The following MND1 variants were observed in gnomAD, a reference collection of about 807,000 sequenced individuals.
MND1 encodes meiotic nuclear division protein 1 homolog.
A neutral mutation model predicts 35.1 loss-of-function variants in MND1; 28 were observed. That is an observed-to-expected ratio of 0.80 (90% CI 0.59 to 1.09). The LOEUF (loss-of-function observed/expected upper bound fraction) is 1.09, where lower values mean the gene tolerates loss of function less well. MND1 is among the 50% of genes least tolerant of loss of function. The pLI is 0.00. For synonymous variants in MND1, 69 were observed against 70.5 expected, an observed-to-expected ratio of 0.98 and a Z score of 0.11; for missense variants, 213 against 239.6, an observed-to-expected ratio of 0.89 and a Z score of 0.73.
intron 4 of MND1, among the ~76,000 whole-genome samples, chr4:153,363,458 C>T (rs945700622): frequency 1.8e-4 from 27 of 152,264 alleles, no homozygotes; most frequent in Non-Finnish European, 2.9e-4. Flanking sequence ...GTGATCCACC[C>T]GCCTCGGCCT....
chr4:153,344,955 T>A (rs1435778677), intron 1 of MND1, among the ~76,000 whole-genome samples: 1 of 151,882 alleles, frequency 6.6e-6, no homozygotes, highest in African/African-American at 2.4e-5. Flanking sequence ...CTGTCCGGAG[T>A]CCCGAGGCGC....
In MND1 at chr4:153,372,630, C is replaced by T. The variant is rs560709715; in HGVS notation, c.276+14008C>T. On this transcript the variant is annotated intron_variant, in intron 4 of 7. Transcript: ENST00000240488. ...TCCTTCCCTACACTGCTCCCCTCCT[C>T]CTATCCCCAGGAAACTTGCTTTGCT... Among the ~76,000 whole-genome samples the T allele has an allele frequency of 4.5e-4, 69 of 152,218 alleles. 1 individual carries two copies. The highest frequency in any genetic ancestry group is 9.4e-4 in the Non-Finnish European group (64 of 68,034).
chr4:153,407,044 A>G (rs542164878), intron 6 of MND1, among the ~76,000 whole-genome samples: 3 of 152,210 alleles, frequency 2.0e-5, no homozygotes, highest in Non-Finnish European at 4.4e-5. Flanking sequence ...TCATAATTCA[A>G]TCACCTCCCA....
chr4:153,393,924 C>CTTTTTTGTTTTTTTT (rs1729122380), intron 4 of MND1, among the ~76,000 whole-genome samples: 1 of 56,464 alleles, frequency 1.8e-5, no homozygotes, highest in African/African-American at 7.1e-5. Flanking sequence ...ACTTTGTTTT[C>CTTTTTTGTTTTTTTT]TTTTTTTTTT....
intron 7 of MND1, among the ~76,000 whole-genome samples, chr4:153,409,761 C>T (rs975400771): frequency 4.7e-5 from 7 of 149,994 alleles, no homozygotes; most frequent in East Asian, 1.9e-4. Flanking sequence ...ATTGGCCTTT[C>T]GGATTTTTTT....
At chr4:153,360,028 C>A (rs1773443224) in intron 4 of MND1, among the ~76,000 whole-genome samples, 2 of 152,002 alleles carry the variant, frequency 1.3e-5, no homozygotes, top group Non-Finnish European at 2.9e-5. Flanking sequence ...CTCAGGTGAT[C>A]CACCCACCTT....
At chr4:153,363,352 C>A (rs1464848372) in intron 4 of MND1, among the ~76,000 whole-genome samples, 1 of 151,930 alleles carries the variant, frequency 6.6e-6, no homozygotes, top group African/African-American at 2.4e-5. Context: ...GCTGGGATTA[C>A]AAGCGCCCGC....
intron 4 of MND1, among the ~76,000 whole-genome samples, chr4:153,368,706 A>G (rs1339170617): frequency 6.6e-6 from 1 of 152,230 alleles, no homozygotes; most frequent in Non-Finnish European, 1.5e-5. Flanking sequence ...CTCTGGTGGC[A>G]TCATGAGATA....
intron 6 of MND1, 69 bp from the exon 7 acceptor site, chr4:153,408,902 C>A (rs530288055): frequency 8.3e-5 from 27 of 324,506 alleles, no homozygotes; most frequent in Non-Finnish European, 1.1e-4. Flanking sequence ...AGCTAAAGAT[C>A]ATTTTGTGTG....
In MND1 at chr4:153,362,427, G is replaced by A. The variant is rs1048396670; in HGVS notation, c.276+3805G>A. On this transcript the variant is annotated intron_variant, in intron 4 of 7. Coordinates refer to ENST00000240488, the MANE Select transcript of MND1 (RefSeq NM_032117.4). Reference sequence around the variant, plus strand: ...TGTTTAAGTGTGTAGCACCTCCCCCGCTTTCAGTCCTGCTTCTGCCATGTA... The same window carrying A: ...TGTTTAAGTGTGTAGCACCTCCCCCACTTTCAGTCCTGCTTCTGCCATGTA... 3.9e-5 allele frequency among the ~76,000 whole-genome samples: 6 copies of A among 152,174 alleles called. No homozygotes were observed. The East Asian group carries it at 7.7e-4, about 20-fold the overall frequency.
At chr4:153,368,295 C>T (rs188350514) in intron 4 of MND1, among the ~76,000 whole-genome samples, 1 of 152,258 alleles carries the variant, frequency 6.6e-6, no homozygotes, top group African/African-American at 2.4e-5. Flanking sequence ...AATATTCTTA[C>T]CCTTCTCTAA....
chr4:153,356,040 C>T (rs1344744177), intron 3 of MND1, among the ~76,000 whole-genome samples: 1 of 152,124 alleles, frequency 6.6e-6, no homozygotes, highest in Non-Finnish European at 1.5e-5. Flanking sequence ...TGGTAGCGCA[C>T]ACACACTTGT....
At chr4:153,375,216 G>T (rs12503471) in intron 4 of MND1, among the ~76,000 whole-genome samples, 31,392 of 152,044 alleles carry the variant, frequency 0.21, 3,458 homozygotes, top group East Asian at 0.27. Flanking sequence ...TAGGTTTAGA[G>T]GGATGGAGGA....
At chr4:153,348,207 G>C (rs1773118726) in intron 1 of MND1, among the ~76,000 whole-genome samples, 1 of 152,166 alleles carries the variant, frequency 6.6e-6, no homozygotes, top group Non-Finnish European at 1.5e-5. Flanking sequence ...TGATTGGTTG[G>C]ATGTGAGATA....
chr4:153,415,118 T>C lies in MND1; in HGVS notation c.*261T>C. 1 of 223,106 alleles carries C rather than the reference T, an allele frequency of 4.5e-6. No homozygotes were observed. The highest frequency in any genetic ancestry group is 8.8e-6 in the Non-Finnish European group (1 of 114,166). The allele number at this position is 223,106 out of a possible 1,614,324, so 13.8% of individuals were successfully genotyped here. On this transcript the variant is annotated 3_prime_UTR_variant, in exon 8 of 8. Transcript: ENST00000240488. ...GTCCAGGCAGATTTACAAATGATTT[T>C]TTTTTTAAGATCAAAACCATGACGT...
At chr4:153,355,386 A>G (rs1038793983) in intron 2 of MND1, among the ~76,000 whole-genome samples, 2 of 152,142 alleles carry the variant, frequency 1.3e-5, no homozygotes, top group Non-Finnish European at 2.9e-5. Context: ...TAGGGTGACT[A>G]TAGTTAATAA....
At chr4:153,382,596 G>A (rs1226873382) in intron 4 of MND1, among the ~76,000 whole-genome samples, 1 of 152,082 alleles carries the variant, frequency 6.6e-6, no homozygotes, top group Non-Finnish European at 1.5e-5. Flanking sequence ...ATATTTCTCA[G>A]ACTTTATAAA....
At chr4:153,382,199 TATG>T (rs760029016) in intron 4 of MND1, among the ~76,000 whole-genome samples, 2 of 152,168 alleles carry the variant, frequency 1.3e-5, no homozygotes, top group Non-Finnish European at 2.9e-5. Flanking sequence ...AACTTTTGTA[TATG>T]ATAACTTATT....
chr4:153,362,884 C>T (rs1773529998), intron 4 of MND1: 1 of 470,120 alleles, frequency 2.1e-6, no homozygotes, highest in South Asian at 9.1e-5. Context: ...AATTTCTTGG[C>T]TTACAGTTCC....
Sources: gnomAD v4.1 joint callset for allele counts (sites outside exome capture counted in the v4.1 genomes callset) on GRCh38, gnomAD v4.1.1 for gene constraint, MANE v1.5 for transcripts, NCBI Gene and HGNC (gene_info 2026-07-23, HGNC 2026-07-21) for gene names.